The following ANXA8 variants were observed in gnomAD, a reference collection of about 807,000 sequenced individuals.
ANXA8 encodes the protein VAC-beta.
Under a neutral mutation model 26.8 loss-of-function variants are expected in ANXA8, and 9 were observed. That is an observed-to-expected ratio of 0.34 (90% CI 0.20 to 0.59). ANXA8 has a LOEUF of 0.59. Ranked by LOEUF, ANXA8 falls within the 20% of genes least tolerant of loss-of-function variation. ANXA8 has a pLI of 0.84. For missense variants in ANXA8, 83 were observed against 238.5 expected, an observed-to-expected ratio of 0.35 and a Z score of 4.29; for synonymous variants, 39 against 94.8, an observed-to-expected ratio of 0.41 and a Z score of 3.42.
At chr10:47,699,578 G>T in the ANXA8 span, among the ~76,000 whole-genome samples, 1 of 151,468 alleles carries the variant, frequency 6.6e-6, no homozygotes, top group Non-Finnish European at 1.5e-5. Context: ...TGTAATTCTA[G>T]CCCTTTGGGA....
At chr10:47,554,249 G>A in the ANXA8 span, among the ~76,000 whole-genome samples, 1 of 138,418 alleles carries the variant, frequency 7.2e-6, no homozygotes, top group Non-Finnish European at 1.5e-5. Context: ...GAGCCTGGGA[G>A]GCAGAAGTTG....
At chr10:47,681,991 A>T in the ANXA8 span, among the ~76,000 whole-genome samples, 2 of 141,252 alleles carry the variant, frequency 1.4e-5, no homozygotes, top group Non-Finnish European at 3.1e-5. Context: ...GATCCAAAAA[A>T]CTCTTATCCC....
At chr10:47,650,591 G>A in the ANXA8 span, among the ~76,000 whole-genome samples, 2 of 147,890 alleles carry the variant, frequency 1.4e-5, no homozygotes, top group Admixed American at 1.3e-4. Context: ...CGGATCACGA[G>A]GTCAGGAGAT....
At chr10:47,526,250 T>G in the ANXA8 span, among the ~76,000 whole-genome samples, 20 of 121,000 alleles carry the variant, frequency 1.7e-4, 1 homozygote, top group African/African-American at 3.4e-4. Context: ...GATTACAGGA[T>G]CCCGCCCCCA....
At chr10:47,954,973 G>C in the ANXA8 span, among the ~76,000 whole-genome samples, 2 of 149,670 alleles carry the variant, frequency 1.3e-5, 1 homozygote, top group African/African-American at 4.9e-5. Context: ...CCACACAAGA[G>C]ACTACAGTCA....
chr10:47,937,176 G>T, the ANXA8 span, among the ~76,000 whole-genome samples: 1 of 149,714 alleles, frequency 6.7e-6, no homozygotes, highest in Non-Finnish European at 1.5e-5. Context: ...AGCTATGGGG[G>T]CTCTGGTCCA....
At chr10:47,470,461 G>T (rs1273896592) in intron 11 of ANXA8, among the ~76,000 whole-genome samples, 1 of 128,954 alleles carries the variant, frequency 7.8e-6, no homozygotes, top group South Asian at 3.0e-4. Flanking sequence ...CTCCCGACAA[G>T]ATTGGCTGGG....
the ANXA8 span, among the ~76,000 whole-genome samples, chr10:47,778,158 T>C: frequency 0.013 from 1,942 of 149,486 alleles, 34 homozygotes; most frequent in African/African-American, 0.044. Flanking sequence ...GTTTCATATT[T>C]CAGATTTTGG....
chr10:47,549,246 T>G, the ANXA8 span: 2 of 1,492,512 alleles, frequency 1.3e-6, no homozygotes, highest in Non-Finnish European at 1.8e-6. Context: ...ACGGGGTAAA[T>G]AACCTACCAC....
chr10:47,762,910 A>G, the ANXA8 span: 2 of 1,413,698 alleles, frequency 1.4e-6, 1 homozygote, highest in Non-Finnish European at 1.8e-6. Flanking sequence ...GCTCCCGGAA[A>G]CCGCAGGGCT....
At chr10:47,523,847 C>T in the ANXA8 span, among the ~76,000 whole-genome samples, 252 of 148,784 alleles carry the variant, frequency 1.7e-3, no homozygotes, top group African/African-American at 6.1e-3. Context: ...GAAGAGAGAA[C>T]AGACGGAGCT....
chr10:47,474,116 C>T, intron 8 of ANXA8, 51 bp from the exon 9 acceptor site: 3 of 499,130 alleles, frequency 6.0e-6, no homozygotes, highest in Non-Finnish European at 1.0e-5. Context: ...CGTGATGCCC[C>T]TCAGTGTCTC....
the ANXA8 span, among the ~76,000 whole-genome samples, chr10:47,618,912 A>G: frequency 1.7e-5 from 2 of 115,498 alleles, no homozygotes; most frequent in African/African-American, 6.6e-5. Context: ...TGATTACTGT[A>G]AAAATAATTT....
chr10:47,900,666 GTTTTTTT>G, the ANXA8 span, among the ~76,000 whole-genome samples: 1 of 105,610 alleles, frequency 9.5e-6, no homozygotes, highest in Non-Finnish European at 2.0e-5. Context: ...TGATAAAATG[GTTTTTTT>G]TTTTTTTTGG....
the ANXA8 span, among the ~76,000 whole-genome samples, chr10:47,960,313 A>G: frequency 3.4e-5 from 5 of 146,180 alleles, no homozygotes; most frequent in Non-Finnish European, 3.0e-5. Context: ...CATGAGCTCC[A>G]TGAAGCTTTG....
At chr10:47,496,249 T>C in the ANXA8 span, 1 of 152,522 alleles carries the variant, frequency 6.6e-6, no homozygotes, top group Non-Finnish European at 1.5e-5. Flanking sequence ...CCATTCATAC[T>C]GGAACGTCCG....
the ANXA8 span, among the ~76,000 whole-genome samples, chr10:47,743,213 A>G: frequency 7.3e-6 from 1 of 136,274 alleles, no homozygotes; most frequent in South Asian, 2.3e-4. Context: ...AAAAAATCTC[A>G]ATGCAATCCC....
the ANXA8 span, among the ~76,000 whole-genome samples, chr10:47,743,339 TAC>T: frequency 6.6e-4 from 39 of 59,236 alleles, 1 homozygote; most frequent in Middle Eastern, 7.8e-3. Context: ...CATATATATA[TAC>T]ATATATATAT....
the ANXA8 span, among the ~76,000 whole-genome samples, chr10:47,647,187 CCTT>C: frequency 1.4e-4 from 21 of 152,312 alleles, no homozygotes; most frequent in African/African-American, 3.4e-4. Flanking sequence ...AAGTTACAAT[CCTT>C]ATTATTTTTG....
Sources: gnomAD v4.1 joint callset for allele counts (sites outside exome capture counted in the v4.1 genomes callset) on GRCh38, gnomAD v4.1.1 for gene constraint, MANE v1.5 for transcripts, NCBI Gene and HGNC (gene_info 2026-07-23, HGNC 2026-07-21) for gene names.